MEI4: variants seen among roughly 807,000 people sequenced by gnomAD.
The protein encoded by MEI4 is meiosis-specific protein MEI4.
A neutral mutation model predicts 31.4 loss-of-function variants in MEI4; 27 were observed. That is an observed-to-expected ratio of 0.86 (90% CI 0.63 to 1.19). The LOEUF is 1.19. Ranked by LOEUF, MEI4 falls within the 50% of genes most tolerant of loss-of-function variation. MEI4 has a pLI of 0.00. For synonymous variants in MEI4, 122 were observed against 145.4 expected (o/e 0.84, Z 1.16); for missense variants, 329 against 398.9 (o/e 0.82, Z 1.49).
At position 77,820,012 on chromosome 6, in the gene MEI4, T is replaced by A. The variant is rs1451571232; in HGVS notation, c.769-8919T>A. Among the ~76,000 whole-genome samples, 1 of 152,132 alleles carries A rather than the reference T, an allele frequency of 6.6e-6. No homozygotes were observed. Among genetic ancestry groups the A allele is most frequent in the African/African-American group, 2.4e-5 (1 of 41,442 alleles). On this transcript the variant is annotated intron_variant, in intron 3 of 4. Coordinates refer to ENST00000684080, the MANE Select transcript of MEI4 (RefSeq NM_001322247.2). The surrounding 1 kb of genome is among the most constrained non-coding windows in gnomAD (Gnocchi z 4.5). ...TTCATTTGCTGATTAACTATGAGTT[T>A]GCTTTTTATTATAAGCTTTCTGAGG...
chr6:77,916,772 T>A (rs2127740888), intron 4 of MEI4, among the ~76,000 whole-genome samples: 1 of 152,154 alleles, frequency 6.6e-6, no homozygotes, highest in East Asian at 1.9e-4. Flanking sequence ...AATTCTTTTT[T>A]TTTTTTAATA....
At chr6:77,812,105 C>G (rs956288612) in intron 3 of MEI4, among the ~76,000 whole-genome samples, 5 of 152,016 alleles carry the variant, frequency 3.3e-5, no homozygotes, top group Admixed American at 3.3e-4. Context: ...GAAGTTATAG[C>G]TAAAATACGT....
intron 3 of MEI4, among the ~76,000 whole-genome samples, chr6:77,775,320 T>C (rs935940763): frequency 6.6e-6 from 1 of 152,134 alleles, no homozygotes; most frequent in African/African-American, 2.4e-5. Flanking sequence ...GTGTGGTCTT[T>C]TTTCTCTCAT....
intron 4 of MEI4, among the ~76,000 whole-genome samples, chr6:77,910,084 A>G (rs1439614724): frequency 6.6e-6 from 1 of 152,200 alleles, no homozygotes; most frequent in East Asian, 1.9e-4. Context: ...GTCTATGACA[A>G]ACCCACAGCC....
At chr6:77,873,607 A>T (rs183025793) in intron 4 of MEI4, among the ~76,000 whole-genome samples, 21 of 152,188 alleles carry the variant, frequency 1.4e-4, no homozygotes, top group African/African-American at 5.1e-4. Context: ...TCTTTAGTTG[A>T]ATTAGATCCC....
chr6:77,794,630 A>G (rs950358279), intron 3 of MEI4, among the ~76,000 whole-genome samples: 1 of 152,146 alleles, frequency 6.6e-6, no homozygotes, highest in African/African-American at 2.4e-5. Flanking sequence ...AACAAAACTG[A>G]AGAGAAAGAT....
chr6:77,829,068 C>T lies in MEI4; in HGVS notation c.900+6C>T. 3.2e-6 allele frequency: 4 copies of T among 1,231,372 alleles called. No homozygotes were observed. The highest frequency in any genetic ancestry group is 4.1e-6 in the Non-Finnish European group (4 of 987,362). 76.3% of individuals were successfully genotyped at this position (1,231,372 alleles called of 1,614,324 possible). A position where few individuals can be genotyped will look rare whatever the true frequency, so the allele number is the denominator to read the frequency against. On this transcript the variant is annotated splice_donor_region_variant and intron_variant, in intron 4 of 4. Coordinates refer to ENST00000684080, the MANE Select transcript of MEI4 (RefSeq NM_001322247.2). ...ATCTGGGAGCCATCAATCAGGTACA[C>T]ATAACTTGAAACTGTAGTTCTCATA...
intron 1 of MEI4, among the ~76,000 whole-genome samples, chr6:77,662,659 G>C (rs1035941663): frequency 6.6e-6 from 1 of 152,162 alleles, no homozygotes; most frequent in African/African-American, 2.4e-5. Flanking sequence ...ATGAGGACTA[G>C]GCTAAAACAG....
chr6:77,827,666 T>C (rs1769988120), intron 3 of MEI4, among the ~76,000 whole-genome samples: 1 of 152,160 alleles, frequency 6.6e-6, no homozygotes, highest in Admixed American at 6.5e-5. Context: ...GTTGAGTGTG[T>C]CCTCCCATGG....
At chr6:77,871,325 G>C (rs1435049875) in intron 4 of MEI4, among the ~76,000 whole-genome samples, 1 of 152,018 alleles carries the variant, frequency 6.6e-6, no homozygotes, top group Non-Finnish European at 1.5e-5. Context: ...ACCTAAAAAA[G>C]ATATTTGAGA....
chr6:77,734,810 G>A, intron 2 of MEI4, among the ~76,000 whole-genome samples: 1 of 149,458 alleles, frequency 6.7e-6, no homozygotes, highest in Non-Finnish European at 1.5e-5. Flanking sequence ...TCCTTCAGGA[G>A]CTCTTTTAGG....
intron 1 of MEI4, among the ~76,000 whole-genome samples, chr6:77,659,253 C>G (rs1768456142): frequency 6.6e-6 from 1 of 152,076 alleles, no homozygotes; most frequent in African/African-American, 2.4e-5. Flanking sequence ...GAACAGGGAG[C>G]TCTTCGGTCC....
intron 4 of MEI4, among the ~76,000 whole-genome samples, chr6:77,849,860 C>T (rs886077734): frequency 5.3e-5 from 8 of 152,110 alleles, no homozygotes; most frequent in Non-Finnish European, 1.2e-4. Flanking sequence ...ATTTTGTTAA[C>T]ATTTGAGGCA....
At chr6:77,790,308 C>G (rs59483859) in intron 3 of MEI4, among the ~76,000 whole-genome samples, 8 of 150,944 alleles carry the variant, frequency 5.3e-5, no homozygotes, top group South Asian at 2.1e-4. Context: ...TGTTAAATGA[C>G]GAGTTAATGG....
Position 77,920,152 on chromosome 6 carries a change from G to A in MEI4, c.901-2937G>A, listed in dbSNP as rs186820254. On this transcript the variant is annotated intron_variant, in intron 4 of 4. Coordinates refer to ENST00000684080, the MANE Select transcript of MEI4 (RefSeq NM_001322247.2). Reference sequence around the variant, plus strand: ...GAATCCTCCCTAACTCATTTTATGAGGCCAGCATCATTCTGATACCAAAGC... The same window carrying A: ...GAATCCTCCCTAACTCATTTTATGAAGCCAGCATCATTCTGATACCAAAGC... Among the ~76,000 whole-genome samples the A allele has an allele frequency of 4.1e-3, 626 of 151,122 alleles. 34 individuals are homozygous for A. In the East Asian group the frequency reaches 0.1, roughly 25 times the overall value.
At chr6:77,755,101 T>G (rs1162445027) in intron 2 of MEI4, among the ~76,000 whole-genome samples, 1 of 151,990 alleles carries the variant, frequency 6.6e-6, no homozygotes, top group Admixed American at 6.6e-5. Context: ...GAAGCTGAAG[T>G]GGAAGGATCC....
intron 2 of MEI4, among the ~76,000 whole-genome samples, chr6:77,750,123 C>G (rs1442214372): frequency 6.6e-6 from 1 of 152,152 alleles, no homozygotes; most frequent in African/African-American, 2.4e-5. Context: ...GAATGAAGCG[C>G]TAAACATGGA....
intron 2 of MEI4, among the ~76,000 whole-genome samples, chr6:77,710,209 G>A (rs17840250): frequency 0.092 from 14,007 of 152,142 alleles, 938 homozygotes; most frequent in East Asian, 0.31. Context: ...CTGGATTCCG[G>A]CAGGCCTGTA....
intron 1 of MEI4, among the ~76,000 whole-genome samples, chr6:77,668,895 A>C (rs980753678): frequency 3.9e-5 from 6 of 152,196 alleles, no homozygotes; most frequent in Admixed American, 6.5e-5. Flanking sequence ...CTAAAGTGCC[A>C]GCTTTCTTTG....
Sources: allele counts gnomAD v4.1 joint callset (sites outside exome capture counted in the v4.1 genomes callset), GRCh38; gene constraint gnomAD v4.1.1; non-coding constraint Gnocchi (gnomAD v3.1); transcripts MANE v1.5; gene names NCBI Gene and HGNC (gene_info 2026-07-23, HGNC 2026-07-21).